Variants in NR6A1 observed in about 807,000 individuals in gnomAD.
The protein encoded by NR6A1 is retinoic acid receptor-related testis-associated receptor.
Under a neutral mutation model 59.1 loss-of-function variants are expected in NR6A1, and 7 were observed. That is an observed-to-expected ratio of 0.12 (90% CI 0.07 to 0.22). The LOEUF is 0.22. Ranked by LOEUF, NR6A1 falls within the 10% of genes least tolerant of loss-of-function variation. NR6A1 has a pLI of 1.00. For missense variants in NR6A1, 468 were observed against 611.6 expected, an observed-to-expected ratio of 0.77 and a Z score of 2.48; for synonymous variants, 243 against 236.1, an observed-to-expected ratio of 1.03 and a Z score of -0.27.
At chr9:124,633,572 T>C (rs1836510410) in intron 2 of NR6A1, among the ~76,000 whole-genome samples, 1 of 152,120 alleles carries the variant, frequency 6.6e-6, no homozygotes, top group Non-Finnish European at 1.5e-5. Context: ...GTCTCCTGAA[T>C]AAAGATAAGC....
intron 2 of NR6A1, among the ~76,000 whole-genome samples, chr9:124,602,414 C>T (rs1041295030): frequency 3.9e-5 from 6 of 152,194 alleles, no homozygotes; most frequent in African/African-American, 1.4e-4. Flanking sequence ...AATACTCTAG[C>T]CCTGAACACA....
chr9:124,628,500 C>T (rs1024812762), intron 2 of NR6A1, among the ~76,000 whole-genome samples: 1 of 152,186 alleles, frequency 6.6e-6, no homozygotes, highest in African/African-American at 2.4e-5. Context: ...CATACTACCA[C>T]ACCCGGCTAA....
chr9:124,589,399 T>C (rs569679655), intron 2 of NR6A1, among the ~76,000 whole-genome samples: 291 of 152,268 alleles, frequency 1.9e-3, no homozygotes, highest in African/African-American at 6.4e-3. Flanking sequence ...TGAGCCGAGA[T>C]AGCACCACTG....
intron 1 of NR6A1, among the ~76,000 whole-genome samples, chr9:124,733,932 T>C (rs942602097): frequency 3.3e-5 from 5 of 152,228 alleles, no homozygotes; most frequent in South Asian, 2.1e-4. Flanking sequence ...TCACATTTCA[T>C]ATGCTCAGAC....
intron 2 of NR6A1, among the ~76,000 whole-genome samples, chr9:124,645,797 C>T (rs1460005457): frequency 6.6e-6 from 1 of 152,176 alleles, no homozygotes; most frequent in Non-Finnish European, 1.5e-5. Flanking sequence ...AATACTTCAT[C>T]CAATTCAATA....
rs371630110 is a variant in NR6A1, at chr9:124,595,553, TTC to T, written c.143-40985_143-40984del. Among the ~76,000 whole-genome samples, 14 of 152,304 alleles carry T rather than the reference TTC, an allele frequency of 9.2e-5. No homozygotes were observed. In the East Asian group the frequency reaches 2.5e-3, roughly 27 times the overall value. On this transcript the variant is annotated intron_variant, in intron 2 of 9. Transcript: ENST00000487099. ...AACCACAACAATGAATTCACTGCAG[TTC>T]TCTCTCACTTTTCTCCATTCCAAAA...
intron 2 of NR6A1, among the ~76,000 whole-genome samples, chr9:124,627,909 T>C (rs1321131530): frequency 4.3e-5 from 4 of 92,638 alleles, no homozygotes; most frequent in East Asian, 3.0e-4. Context: ...TTTTTTTTTT[T>C]TCAAAACAAA....
In NR6A1 at chr9:124,666,275, C is replaced by CTT. The variant is rs922378385; in HGVS notation, c.142+67031_142+67032dup. Among the ~76,000 whole-genome samples, 405 of 102,938 alleles carry CTT rather than the reference C, an allele frequency of 3.9e-3. 6 individuals are homozygous for CTT. The highest frequency in any genetic ancestry group is 0.015 in the South Asian group (49 of 3,224). The allele number at this position is 102,938 out of a possible 152,430, so 67.5% of individuals were successfully genotyped here. A position where few individuals can be genotyped will look rare whatever the true frequency, so the allele number is the denominator to read the frequency against. ...TTGGCGGAATTACCTCTATGTGGTT[C>CTT]TTTTTTTTTTTTTTTTTTTTTGAGA... is the stretch of plus-strand genomic sequence containing the variant. On this transcript the variant is annotated intron_variant, in intron 2 of 9. Coordinates refer to ENST00000487099, the MANE Select transcript of NR6A1 (RefSeq NM_033334.4).
chr9:124,528,743 A>C (rs1371300299), intron 7 of NR6A1, among the ~76,000 whole-genome samples: 3 of 151,776 alleles, frequency 2.0e-5, no homozygotes, highest in Non-Finnish European at 4.4e-5. Context: ...AAACCAACCA[A>C]CCAACCAACC....
chr9:124,746,516 G>A (rs374009459), intron 1 of NR6A1, among the ~76,000 whole-genome samples: 37 of 152,134 alleles, frequency 2.4e-4, no homozygotes, highest in African/African-American at 8.2e-4. Context: ...TTGAACCCGG[G>A]AGGCAAAGGT....
chr9:124,699,813 G>T (rs150473209), intron 2 of NR6A1, among the ~76,000 whole-genome samples: 1 of 152,122 alleles, frequency 6.6e-6, no homozygotes, highest in South Asian at 2.1e-4. Context: ...GACAACCACT[G>T]ATCTGTCTCT....
At chr9:124,631,238 T>C (rs1016716599) in intron 2 of NR6A1, among the ~76,000 whole-genome samples, 2 of 152,172 alleles carry the variant, frequency 1.3e-5, no homozygotes, top group African/African-American at 2.4e-5. Flanking sequence ...CATTAAGTAG[T>C]GAAGATTTAT....
intron 2 of NR6A1, among the ~76,000 whole-genome samples, chr9:124,714,092 A>T (rs1839353054): frequency 6.6e-6 from 1 of 152,218 alleles, no homozygotes; most frequent in African/African-American, 2.4e-5. Flanking sequence ...ACACTATACA[A>T]CATAGATAAA....
At chr9:124,716,130 A>G (rs1245077344) in intron 2 of NR6A1, among the ~76,000 whole-genome samples, 2 of 152,126 alleles carry the variant, frequency 1.3e-5, no homozygotes, top group Non-Finnish European at 2.9e-5. Context: ...CTTGGGCCCC[A>G]GGAAGAGGAG....
chr9:124,589,370 A>G (rs2130793535), intron 2 of NR6A1, among the ~76,000 whole-genome samples: 1 of 152,064 alleles, frequency 6.6e-6, no homozygotes, highest in South Asian at 2.1e-4. Flanking sequence ...GGCGTGAACC[A>G]AGGAGGCGGA....
At chr9:124,549,882 G>A (rs551296856) in intron 3 of NR6A1, among the ~76,000 whole-genome samples, 17 of 152,142 alleles carry the variant, frequency 1.1e-4, no homozygotes, top group Non-Finnish European at 2.4e-4. Context: ...TTGTTTCACT[G>A]ATATCTTTTG....
At chr9:124,696,998 A>G (rs1588798911) in intron 2 of NR6A1, among the ~76,000 whole-genome samples, 2 of 152,164 alleles carry the variant, frequency 1.3e-5, no homozygotes, top group Admixed American at 6.5e-5. Context: ...CCATCTTTCC[A>G]TATCGATATA....
intron 2 of NR6A1, among the ~76,000 whole-genome samples, chr9:124,653,779 C>G (rs1042990643): frequency 1.3e-5 from 2 of 152,178 alleles, no homozygotes; most frequent in African/African-American, 4.8e-5. Context: ...ATTAACCCTA[C>G]TAGAGTCAGA....
chr9:124,754,138 A>T (rs1192322459), intron 1 of NR6A1, among the ~76,000 whole-genome samples: 1 of 152,148 alleles, frequency 6.6e-6, no homozygotes, highest in Admixed American at 6.5e-5. Flanking sequence ...GGGGAGAAAA[A>T]CCTTGGGAGG....
Sources: gnomAD v4.1 joint callset for allele counts (sites outside exome capture counted in the v4.1 genomes callset) on GRCh38, gnomAD v4.1.1 for gene constraint, MANE v1.5 for transcripts, NCBI Gene and HGNC (gene_info 2026-07-23, HGNC 2026-07-21) for gene names.